The following ZFAND3 variants were observed in gnomAD, a reference collection of about 807,000 sequenced individuals.
ZFAND3 encodes the protein AN1-type zinc finger protein 3.
ZFAND3 carries 10 observed loss-of-function variants against 29.6 expected under a neutral mutation model. That is an observed-to-expected ratio of 0.34 (90% CI 0.21 to 0.57). ZFAND3 has a LOEUF of 0.57. Among genes scored for constraint, ZFAND3 ranks in the 20% least tolerant of loss-of-function variants. The probability of loss-of-function intolerance (pLI) is 0.86; values close to 1 mark genes in which losing one functional copy is unlikely to be tolerated. For missense variants in ZFAND3, 230 were observed against 304.5 expected (o/e 0.76, Z 1.82); for synonymous variants, 128 against 112.6 (o/e 1.14, Z -0.87).
chr6:38,122,156 C>T (rs749862789), intron 5 of ZFAND3, among the ~76,000 whole-genome samples: 4 of 152,082 alleles, frequency 2.6e-5, no homozygotes, highest in East Asian at 1.9e-4. Context: ...CTGGTATCTG[C>T]GGGGAATCGG....
intron 1 of ZFAND3, among the ~76,000 whole-genome samples, chr6:37,862,843 T>TG (rs1402749349): frequency 6.0e-5 from 9 of 150,478 alleles, no homozygotes; most frequent in Admixed American, 2.6e-4. Context: ...AAAATTTTGC[T>TG]GGGAAAAAAA....
chr6:37,923,953 A>G (rs991892270), intron 1 of ZFAND3, among the ~76,000 whole-genome samples: 2 of 152,210 alleles, frequency 1.3e-5, no homozygotes, highest in African/African-American at 4.8e-5. Flanking sequence ...TATTTTGGGG[A>G]ATTATAAATG....
At chr6:37,897,334 T>C (rs1431933129) in intron 1 of ZFAND3, among the ~76,000 whole-genome samples, 4 of 152,252 alleles carry the variant, frequency 2.6e-5, no homozygotes, top group Non-Finnish European at 4.4e-5. Flanking sequence ...ACATTATGTC[T>C]GTAAGGTTCA....
intron 3 of ZFAND3, among the ~76,000 whole-genome samples, chr6:38,073,216 G>A (rs955309360): frequency 9.2e-5 from 14 of 152,056 alleles, no homozygotes; most frequent in African/African-American, 3.1e-4. Context: ...TAGTCCTGAA[G>A]CCTCTTAGGA....
chr6:38,016,483 C>G (rs1581841761), intron 2 of ZFAND3, among the ~76,000 whole-genome samples: 1 of 152,218 alleles, frequency 6.6e-6, no homozygotes, highest in Non-Finnish European at 1.5e-5. Context: ...ATATTCTGTA[C>G]TGAGTTCCAC....
intron 1 of ZFAND3, among the ~76,000 whole-genome samples, chr6:37,887,212 G>A (rs925030574): frequency 1.3e-5 from 2 of 152,098 alleles, no homozygotes; most frequent in Admixed American, 1.3e-4. Context: ...GGATTTGAAA[G>A]CAGTGAAATT....
At chr6:37,826,469 C>T (rs1193526341) in intron 1 of ZFAND3, among the ~76,000 whole-genome samples, 1 of 152,132 alleles carries the variant, frequency 6.6e-6, no homozygotes, top group Admixed American at 6.6e-5. Flanking sequence ...TTTACAGTGT[C>T]TTGGCTGGAT....
chr6:37,955,838 A>G (rs1361023308), intron 2 of ZFAND3, among the ~76,000 whole-genome samples: 1 of 152,238 alleles, frequency 6.6e-6, no homozygotes, highest in Non-Finnish European at 1.5e-5. Flanking sequence ...TCTAAATTAC[A>G]TTGGGATAAA....
intron 4 of ZFAND3, among the ~76,000 whole-genome samples, chr6:38,105,319 C>G (rs1885326): frequency 2.0e-5 from 3 of 151,996 alleles, no homozygotes; most frequent in African/African-American, 7.2e-5. Flanking sequence ...AGGGGAGGAT[C>G]GCTTGAGCCC....
chr6:37,845,242 A>G (rs1380078481), intron 1 of ZFAND3, among the ~76,000 whole-genome samples: 1 of 152,126 alleles, frequency 6.6e-6, no homozygotes, highest in Non-Finnish European at 1.5e-5. Flanking sequence ...GCAAGTGGCA[A>G]TCTTGGGAGG....
chr6:38,134,348 C>T (rs141987072), intron 5 of ZFAND3, among the ~76,000 whole-genome samples: 2 of 152,306 alleles, frequency 1.3e-5, no homozygotes, highest in East Asian at 1.9e-4. Context: ...TATTACACAT[C>T]GGTGAATTAT....
chr6:37,827,581 T>G (rs1763783256), intron 1 of ZFAND3, among the ~76,000 whole-genome samples: 1 of 152,204 alleles, frequency 6.6e-6, no homozygotes, highest in Non-Finnish European at 1.5e-5. Flanking sequence ...TGGGGTATAT[T>G]GGAATTTCCA....
chr6:38,042,281 T>G (rs1763804909), intron 2 of ZFAND3, among the ~76,000 whole-genome samples: 1 of 151,538 alleles, frequency 6.6e-6, no homozygotes. Flanking sequence ...AATAAAAGTA[T>G]GCATGTCACA....
At chr6:37,881,775 G>A (rs1764900245) in intron 1 of ZFAND3, among the ~76,000 whole-genome samples, 1 of 151,972 alleles carries the variant, frequency 6.6e-6, no homozygotes. Context: ...TCAGTGTTGA[G>A]AGCTGGACTT....
At chr6:37,932,268 A>AT (rs1761612081) in intron 2 of ZFAND3, among the ~76,000 whole-genome samples, 2 of 152,054 alleles carry the variant, frequency 1.3e-5, no homozygotes, top group African/African-American at 4.8e-5. Context: ...CTCAAAAAAA[A>AT]AAAAATAAAT....
chr6:38,101,501 G>T (rs1765091534), intron 4 of ZFAND3, among the ~76,000 whole-genome samples: 1 of 152,100 alleles, frequency 6.6e-6, no homozygotes, highest in African/African-American at 2.4e-5. Context: ...TAAGCTTAAG[G>T]ATTTGTCTTG....
chr6:37,896,181 T>G (rs1765199540), intron 1 of ZFAND3, among the ~76,000 whole-genome samples: 1 of 152,184 alleles, frequency 6.6e-6, no homozygotes, highest in Admixed American at 6.5e-5. Context: ...CCTTTTTTCT[T>G]TTTCTTTTAC....
chr6:38,139,000 A>G lies in ZFAND3; in HGVS notation c.530-13235A>G, dbSNP rs1006727640. ...CTGGATGAAATTACCTAAAGGAGAA[A>G]ATGCAGGAGGACGTGATGCTGGGTG... On this transcript the variant is annotated intron_variant, in intron 5 of 5. Transcript: ENST00000287218. Among the ~76,000 whole-genome samples the G allele has an allele frequency of 2.0e-5, 3 of 152,194 alleles. No individual in the cohort carries two copies. The South Asian group carries it at 6.2e-4, about 32-fold the overall frequency.
chr6:38,000,921 GC>G (rs1762937029), intron 2 of ZFAND3, among the ~76,000 whole-genome samples: 1 of 152,082 alleles, frequency 6.6e-6, no homozygotes, highest in Admixed American at 6.6e-5. Context: ...TGAGTCTTGC[GC>G]CTACCTTCTG....
Sources: gnomAD v4.1 joint callset for allele counts (sites outside exome capture counted in the v4.1 genomes callset) on GRCh38, gnomAD v4.1.1 for gene constraint, MANE v1.5 for transcripts, NCBI Gene and HGNC (gene_info 2026-07-23, HGNC 2026-07-21) for gene names.